C1orf167: variants seen among roughly 807,000 people sequenced by gnomAD.
The protein encoded by C1orf167 is uncharacterized protein C1orf167.
Under a neutral mutation model 176.5 loss-of-function variants are expected in C1orf167, and 153 were observed. That is an observed-to-expected ratio of 0.87 (90% confidence interval 0.76 to 0.99). The LOEUF is 0.99. C1orf167 is among the 50% of genes least tolerant of loss of function. The pLI is 0.00. For synonymous variants in C1orf167, 594 were observed against 752.7 expected (o/e 0.79, Z 3.45); for missense variants, 1,490 against 1,817.7 (o/e 0.82, Z 3.28).
rs1643633630 is a variant in C1orf167 at position 11,782,227 on chromosome 1, C to G, written c.2899C>G (p.Gln967Glu). Residue 967 changes from glutamine (Q) to glutamate (E), a missense_variant, in exon 14 of 21, where the codon CAG becomes GAG. Coordinates refer to ENST00000688073, the MANE Select transcript of C1orf167 (RefSeq NM_001010881.2). ...GCATGAAAAGTGCCAGACATGGGTG[C>G]AGGTCCACCTCCAGGGCCTGCAGAA... is the stretch of plus-strand genomic sequence containing the variant. ...FLHEKCQTWV[Q>E]VHLQGLQKVV... The G allele has an allele frequency of 7.7e-7, 1 of 1,299,288 alleles. No homozygotes were observed. Among genetic ancestry groups the G allele is most frequent in the East Asian group, 5.7e-5 (1 of 17,668 alleles). 80.5% of individuals were successfully genotyped at this position (1,299,288 alleles called of 1,614,324 possible). A position where few individuals can be genotyped will look rare whatever the true frequency, so the allele number is the denominator to read the frequency against.
chr1:11,767,944 G>T (rs763326785), intron 4 of C1orf167, 133 bp from the exon 5 acceptor site: 5 of 592,538 alleles, frequency 8.4e-6, no homozygotes, highest in Non-Finnish European at 1.3e-5. Context: ...TCTGCAGTGT[G>T]ATACTCCTGT....
Position 11,789,462 on chromosome 1 carries a change from T to C in C1orf167, c.*16T>C. Reference sequence around the variant, plus strand: ...GCAGCTGTGACTTGTTCTCATAGAATAAAAAACAGAACTGAACTTAGCCTT... The same window carrying C: ...GCAGCTGTGACTTGTTCTCATAGAACAAAAAACAGAACTGAACTTAGCCTT... On this transcript the variant is annotated 3_prime_UTR_variant, in exon 21 of 21. Coordinates refer to ENST00000688073, the MANE Select transcript of C1orf167 (RefSeq NM_001010881.2). 4 of 1,301,664 alleles carry C rather than the reference T, an allele frequency of 3.1e-6. No individual in the cohort carries two copies. Among genetic ancestry groups the C allele is most frequent in the East Asian group, 5.6e-5 (1 of 17,966 alleles). 80.6% of individuals were successfully genotyped at this position (1,301,664 alleles called of 1,614,324 possible). A position where few individuals can be genotyped will look rare whatever the true frequency, so the allele number is the denominator to read the frequency against.
rs1010804092 is a variant in C1orf167 at position 11,778,762 on chromosome 1, C to G, written c.2442C>G (p.Thr814=). 2.8e-5 allele frequency: 36 copies of G among 1,304,038 alleles called. No homozygotes were observed. The highest frequency in any genetic ancestry group is 3.4e-5 in the Non-Finnish European group (34 of 988,870). 80.8% of individuals were successfully genotyped at this position (1,304,038 alleles called of 1,614,324 possible). Residue 814 remains threonine, a synonymous_variant, in exon 11 of 21, where the codon ACC becomes ACG. Transcript: ENST00000688073. Reference sequence around the variant, plus strand: ...ATGCCACATCAAGCTGCACCAAGACCCCCTCGGCTCTGGAGCCACTGAGCA... The same window carrying G: ...ATGCCACATCAAGCTGCACCAAGACGCCCTCGGCTCTGGAGCCACTGAGCA... The part of the protein sequence containing the change: ...GPDATSSCTK[T]PSALEPLSSS...
chr1:11,772,894 C>CATTATTATTATTATT (rs1553179315), intron 8 of C1orf167, among the ~76,000 whole-genome samples: 5,765 of 66,194 alleles, frequency 0.087, 197 homozygotes, highest in East Asian at 0.32. Context: ...TATTATGGGG[C>CATTATTATTATTATT]ATTATTATTA....
At chr1:11,775,635 C>A in intron 9 of C1orf167, 25 bp downstream of exon 9, 1 of 1,288,106 alleles carries the variant, frequency 7.8e-7, no homozygotes, top group South Asian at 1.3e-5. Context: ...GCTTCCGCCC[C>A]AGCAAACCGT....
In C1orf167 at chr1:11,778,830, G is replaced by A. The variant is rs1643454087; in HGVS notation, c.2496+14G>A. ...TCTCTGGAGAAGGTGAGAGGTAGGA[G>A]GGTGGGGAGGGGCTGGGGCAGGTAG... On this transcript the variant is annotated intron_variant, in intron 11 of 20. Transcript: ENST00000688073. The A allele has an allele frequency of 1.5e-6, 2 of 1,297,212 alleles. No homozygotes were observed. Among genetic ancestry groups the A allele is most frequent in the African/African-American group, 1.5e-5 (1 of 65,708 alleles). The allele number at this position is 1,297,212 out of a possible 1,614,324, so 80.4% of individuals were successfully genotyped here.
chr1:11,787,750 C>A, intron 17 of C1orf167, 123 bp from the exon 18 acceptor site: 1 of 1,156,076 alleles, frequency 8.6e-7, no homozygotes, highest in Non-Finnish European at 1.1e-6. Context: ...GGGGGCAGGG[C>A]ACAAGGCTAA....
Position 11,784,355 on chromosome 1 carries a change from T to A in C1orf167, c.3187T>A (p.Trp1063Arg). 1 of 1,304,004 alleles carries A rather than the reference T, an allele frequency of 7.7e-7. No individual in the cohort carries two copies. The highest frequency in any genetic ancestry group is 1.0e-6 in the Non-Finnish European group (1 of 988,858). The allele number at this position is 1,304,004 out of a possible 1,614,324, so 80.8% of individuals were successfully genotyped here. ...TGTGGCCCAGGCCTCCCTTGCCCGCTGGAGAAGCTGCGGGCAGCAAGGCCA... is the reference window on the plus strand; with the variant it reads ...TGTGGCCCAGGCCTCCCTTGCCCGCAGGAGAAGCTGCGGGCAGCAAGGCCA... The part of the protein sequence containing the change: ...QRVAQASLAR[W>R]RSCGQQGQED... The change falls in exon 15 of 21, where the codon TGG (tryptophan) becomes AGG (arginine). Residue 1063 changes from tryptophan (W) to arginine (R), a missense_variant. Physicochemically the swap from Trp to Arg is moderately radical, Grantham distance 101 (BLOSUM62 -3). Transcript: ENST00000688073.
chr1:11,765,053 C>A (rs868191736), intron 2 of C1orf167, among the ~76,000 whole-genome samples: 31 of 67,458 alleles, frequency 4.6e-4, no homozygotes, highest in African/African-American at 1.4e-3. Flanking sequence ...GACTCTGTCT[C>A]AAAAAAAAAA....
At chr1:11,789,155 G>A in intron 20 of C1orf167, 115 bp from the exon 21 acceptor site, 1 of 1,055,952 alleles carries the variant, frequency 9.5e-7, no homozygotes, top group Non-Finnish European at 1.2e-6. Context: ...GCTTGGGGCA[G>A]AGGGAGGGGC....
At position 11,764,428 on chromosome 1, in the gene C1orf167, AAGG is replaced by A. The variant is rs1642687868; in HGVS notation, c.31_33del (p.Glu11del). On this transcript the variant is annotated inframe_deletion, in exon 2 of 21. Transcript: ENST00000688073. ...GGAGCTAAGGTCTGATGCCAGCCAC[AAGG>A]AGAATGTGTCCCCAAAGCCTGCAGC... 5 of 1,289,432 alleles carry A rather than the reference AAGG, an allele frequency of 3.9e-6. 1 individual carries two copies. The South Asian group carries it at 6.2e-5, about 16-fold the overall frequency. The allele number at this position is 1,289,432 out of a possible 1,614,324, so 79.9% of individuals were successfully genotyped here. A position where few individuals can be genotyped will look rare whatever the true frequency, so the allele number is the denominator to read the frequency against.
intron 8 of C1orf167, among the ~76,000 whole-genome samples, chr1:11,775,147 G>C (rs1191837426): frequency 2.0e-5 from 3 of 152,108 alleles, no homozygotes; most frequent in Non-Finnish European, 2.9e-5. Flanking sequence ...AAATTAGCCG[G>C]GCATGGTGGT....
intron 6 of C1orf167, among the ~76,000 whole-genome samples, chr1:11,770,301 A>G (rs1642990578): frequency 6.6e-6 from 1 of 152,084 alleles, no homozygotes; most frequent in Admixed American, 6.6e-5. Flanking sequence ...AACACTGCTG[A>G]ACTGTACACT....
At chr1:11,772,904 A>ATTATTATTATTATTATTATTTATT (rs56228938) in intron 8 of C1orf167, among the ~76,000 whole-genome samples, 1 of 146,426 alleles carries the variant, frequency 6.8e-6, no homozygotes, top group African/African-American at 2.5e-5. Context: ...CATTATTATT[A>ATTATTATTATTATTATTATTTATT]TTATTATTAT....
chr1:11,771,720 C>A, intron 7 of C1orf167, 84 bp downstream of exon 7: 1 of 888,328 alleles, frequency 1.1e-6, no homozygotes, highest in Non-Finnish European at 1.6e-6. Flanking sequence ...GGGCGGGGGA[C>A]CCTGGGCGAA....
At chr1:11,773,261 G>A (rs1398083219) in intron 8 of C1orf167, among the ~76,000 whole-genome samples, 1 of 152,012 alleles carries the variant, frequency 6.6e-6, no homozygotes, top group Non-Finnish European at 1.5e-5. Flanking sequence ...CAATTACCCA[G>A]CTTCAACAAA....
At position 11,785,187 on chromosome 1, in the gene C1orf167, T is replaced by C. The variant is rs188903818; in HGVS notation, c.3465T>C (p.Gly1155=). The change falls in exon 16 of 21, where the codon GGT becomes GGC. Residue 1155 remains glycine, a synonymous_variant. Transcript: ENST00000688073. ...EASVQSAVRG[G]VQRAILTQLR... is the part of the protein sequence containing the mutation. ...CGGTGCAGTCGGCGGTGCGCGGCGGTGTCCAGCGAGCCATCCTCACCCAGC... is the reference window on the plus strand; with the variant it reads ...CGGTGCAGTCGGCGGTGCGCGGCGGCGTCCAGCGAGCCATCCTCACCCAGC... The C allele has an allele frequency of 9.9e-3, 12,834 of 1,291,536 alleles. 77 individuals are homozygous for C. The highest frequency in any genetic ancestry group is 0.012 in the Non-Finnish European group (11,561 of 988,718). 80.0% of individuals were successfully genotyped at this position (1,291,536 alleles called of 1,614,324 possible). A position where few individuals can be genotyped will look rare whatever the true frequency, so the allele number is the denominator to read the frequency against.
chr1:11,770,996 GTGTGTA>G (rs745808852), intron 6 of C1orf167, among the ~76,000 whole-genome samples: 5,252 of 35,482 alleles, frequency 0.15, 153 homozygotes, highest in East Asian at 0.2. Flanking sequence ...GTGTGTGTGT[GTGTGTA>G]TATATCACCT....
At position 11,769,068 on chromosome 1, in the gene C1orf167, C is replaced by G. The variant is rs1642931088; in HGVS notation, c.1638C>G (p.Leu546=). The G allele has an allele frequency of 1.0e-6, 1 of 985,920 alleles. No homozygotes were observed. Among genetic ancestry groups the G allele is most frequent in the South Asian group, 4.7e-5 (1 of 21,294 alleles). 61.1% of individuals were successfully genotyped at this position (985,920 alleles called of 1,614,324 possible). A position where few individuals can be genotyped will look rare whatever the true frequency, so the allele number is the denominator to read the frequency against. The change falls in exon 6 of 21, where the codon CTC becomes CTG. Residue 546 remains leucine, a synonymous_variant. Coordinates refer to ENST00000688073, the MANE Select transcript of C1orf167 (RefSeq NM_001010881.2). ...CCAGGAGAGCCCAGGGCAAAGGCCTCTCCTTGGGAAGAAGCACAGTGGTGG... is the reference window on the plus strand; with the variant it reads ...CCAGGAGAGCCCAGGGCAAAGGCCTGTCCTTGGGAAGAAGCACAGTGGTGG... ...PPSRRAQGKG[L]SLGRSTVVDP... is the part of the protein sequence containing the mutation.
Sources: allele counts gnomAD v4.1 joint callset (sites outside exome capture counted in the v4.1 genomes callset), GRCh38; gene constraint gnomAD v4.1.1; transcripts MANE v1.5; gene names NCBI Gene and HGNC (gene_info 2026-07-23, HGNC 2026-07-21).